The following TASP1 variants were observed in gnomAD, a reference collection of about 807,000 sequenced individuals.
TASP1 encodes the protein taspase 1, also known as threonine aspartase 1.
TASP1 carries 16 observed loss-of-function variants against 56.6 expected under a neutral mutation model. The observed-to-expected ratio is 0.28, with a 90% CI of 0.19 to 0.43. The LOEUF (loss-of-function observed/expected upper bound fraction) is 0.43, where lower values mean the gene tolerates loss of function less well. Among genes scored for constraint, TASP1 ranks in the 20% least tolerant of loss-of-function variants. TASP1 has a pLI of 1.00. For missense variants in TASP1, 393 were observed against 511.6 expected (o/e 0.77, Z 2.24); for synonymous variants, 179 against 184.2 (o/e 0.97, Z 0.23).
At chr20:13,448,647 T>A (rs1420527186) in intron 11 of TASP1, among the ~76,000 whole-genome samples, 1 of 152,102 alleles carries the variant, frequency 6.6e-6, no homozygotes. Context: ...AGTAGACTTG[T>A]ACATAATTTA....
chr20:13,455,483 T>C (rs967273869), intron 11 of TASP1, among the ~76,000 whole-genome samples: 1 of 152,016 alleles, frequency 6.6e-6, no homozygotes, highest in African/African-American at 2.4e-5. Flanking sequence ...TCTACTAAAG[T>C]TGAAGAAAGA....
the TASP1 span, among the ~76,000 whole-genome samples, chr20:13,146,067 C>T: frequency 5.9e-5 from 9 of 152,260 alleles, no homozygotes; most frequent in South Asian, 1.0e-3. Flanking sequence ...AAATTTGGTA[C>T]ATATACACCA....
At chr20:13,566,374 C>T (rs1275122807) in intron 7 of TASP1, among the ~76,000 whole-genome samples, 2 of 151,562 alleles carry the variant, frequency 1.3e-5, no homozygotes, top group South Asian at 2.1e-4. Context: ...AAAAAAAGTA[C>T]AAGAATGTTT....
chr20:13,542,816 C>T (rs997442490), intron 8 of TASP1, among the ~76,000 whole-genome samples: 1 of 151,502 alleles, frequency 6.6e-6, no homozygotes, highest in Non-Finnish European at 1.5e-5. Flanking sequence ...TTGTGGGATA[C>T]AGTAAAAGTA....
the TASP1 span, among the ~76,000 whole-genome samples, chr20:13,277,959 T>A: frequency 3.3e-5 from 5 of 151,988 alleles, no homozygotes; most frequent in Admixed American, 6.5e-5. Context: ...AAGGAAGGGG[T>A]TATTTGTCTC....
downstream of TASP1, among the ~76,000 whole-genome samples, chr20:13,384,480 C>T (rs2041149953): frequency 2.6e-5 from 4 of 152,068 alleles, no homozygotes; most frequent in African/African-American, 9.7e-5. Context: ...TGGCCAAACA[C>T]TTTAGAGACA....
At chr20:13,362,040 A>C in the TASP1 span, among the ~76,000 whole-genome samples, 1 of 148,458 alleles carries the variant, frequency 6.7e-6, no homozygotes, top group African/African-American at 2.5e-5. Flanking sequence ...CATCCCCACA[A>C]TATCACCCCT....
the TASP1 span, among the ~76,000 whole-genome samples, chr20:13,186,031 G>C: frequency 6.6e-6 from 1 of 152,182 alleles, no homozygotes; most frequent in Admixed American, 6.5e-5. Context: ...TGGAGCAAAA[G>C]CTGTTGAAGC....
At chr20:13,603,080 A>C (rs1181581566) in intron 4 of TASP1, among the ~76,000 whole-genome samples, 1 of 152,034 alleles carries the variant, frequency 6.6e-6, no homozygotes, top group African/African-American at 2.4e-5. Context: ...AAAATACAAA[A>C]AGCAGCTGGG....
chr20:13,449,281 T>C (rs531217192), intron 11 of TASP1, among the ~76,000 whole-genome samples: 1 of 152,258 alleles, frequency 6.6e-6, no homozygotes, highest in South Asian at 2.1e-4. Flanking sequence ...AATCACTGCC[T>C]GAAGACCTTC....
the TASP1 span, among the ~76,000 whole-genome samples, chr20:13,365,406 T>A: frequency 6.6e-6 from 1 of 152,172 alleles, no homozygotes; most frequent in African/African-American, 2.4e-5. Flanking sequence ...GAGAGAGTTG[T>A]GAGTGCCATA....
chr20:13,362,666 G>T, the TASP1 span, among the ~76,000 whole-genome samples: 1,221 of 151,802 alleles, frequency 8.0e-3, 13 homozygotes, highest in African/African-American at 0.029. Context: ...CTGTTTGGTG[G>T]TCTCTTCACA....
chr20:13,535,858 A>G (rs1411066663), intron 8 of TASP1, among the ~76,000 whole-genome samples: 1 of 152,152 alleles, frequency 6.6e-6, no homozygotes. Flanking sequence ...TATCTTAGGG[A>G]AGACTTAACA....
chr20:13,479,528 T>C (rs947723692), intron 11 of TASP1, among the ~76,000 whole-genome samples: 4 of 151,244 alleles, frequency 2.6e-5, no homozygotes, highest in East Asian at 2.0e-4. Context: ...AGTAGCACAA[T>C]ATTGGCTCAC....
At chr20:13,374,344 T>C in the TASP1 span, among the ~76,000 whole-genome samples, 3 of 132,528 alleles carry the variant, frequency 2.3e-5, no homozygotes, top group African/African-American at 8.1e-5. Context: ...TTTTGCTGTC[T>C]CGTAATTTTT....
At chr20:13,517,196 T>C (rs2044573193) in intron 10 of TASP1, among the ~76,000 whole-genome samples, 2 of 152,226 alleles carry the variant, frequency 1.3e-5, no homozygotes, top group South Asian at 2.1e-4. Context: ...AGGTTTCCTA[T>C]ATTACCAAGG....
intron 11 of TASP1, among the ~76,000 whole-genome samples, chr20:13,468,973 T>C (rs746569855): frequency 6.6e-6 from 1 of 152,028 alleles, no homozygotes; most frequent in Non-Finnish European, 1.5e-5. Context: ...TTGTGAATAG[T>C]TCAGCAGCTC....
intron 11 of TASP1, among the ~76,000 whole-genome samples, chr20:13,473,254 G>T (rs562666691): frequency 6.6e-6 from 1 of 151,202 alleles, no homozygotes; most frequent in African/African-American, 2.4e-5. Context: ...ACCAAACACC[G>T]CATGTTCTCA....
chr20:13,182,365 T>A, the TASP1 span, among the ~76,000 whole-genome samples: 1 of 152,202 alleles, frequency 6.6e-6, no homozygotes, highest in South Asian at 2.1e-4. Flanking sequence ...TATTTTATTA[T>A]CATTGTATTT....
Sources: allele counts gnomAD v4.1 joint callset (sites outside exome capture counted in the v4.1 genomes callset), GRCh38; gene constraint gnomAD v4.1.1; transcripts MANE v1.5; gene names NCBI Gene and HGNC (gene_info 2026-07-23, HGNC 2026-07-21).